Variants in MARCHF1 observed in about 807,000 individuals in gnomAD.
MARCHF1 encodes the protein membrane associated ring-CH-type finger 1, also known as E3 ubiquitin-protein ligase MARCHF1.
Under a neutral mutation model 54.2 loss-of-function variants are expected in MARCHF1, and 40 were observed. That is an observed-to-expected ratio of 0.74 (90% CI 0.57 to 0.96). The LOEUF is 0.96. Ranked by LOEUF, MARCHF1 falls within the 40% of genes least tolerant of loss-of-function variation. The pLI is 0.00. For missense variants in MARCHF1, 586 were observed against 656.5 expected (o/e 0.89, Z 1.17); for synonymous variants, 236 against 236.3 (o/e 1.00, Z 0.01).
rs187217635 is a variant in MARCHF1 at position 164,380,748 on chromosome 4, T to C, written c.-323+3122A>G. Among the ~76,000 whole-genome samples the C allele has an allele frequency of 6.9e-3, 1,044 of 152,330 alleles. 7 individuals are homozygous for C. The highest frequency in any genetic ancestry group is 0.011 in the Non-Finnish European group (762 of 68,016). ...ACACTATAACCGTTGACTTTCACTG[T>C]TGTATTTCCAGAAAAAGTTAGGATG... On this transcript the variant is annotated intron_variant, in intron 1 of 9. Transcript: ENST00000514618.
intron 1 of MARCHF1, among the ~76,000 whole-genome samples, chr4:164,257,251 A>T (rs1262110980): frequency 6.6e-6 from 1 of 152,082 alleles, no homozygotes; most frequent in African/African-American, 2.4e-5. Flanking sequence ...ACATATCTAC[A>T]CCTAGGTTCA....
Position 163,696,396 on chromosome 4 carries a change from TACTC to T in MARCHF1, c.162+4413_162+4416del, listed in dbSNP as rs1254000944. Among the ~76,000 whole-genome samples the T allele has an allele frequency of 7.9e-5, 12 of 152,256 alleles. No homozygotes were observed. The East Asian group carries it at 2.3e-3, about 29-fold the overall frequency. ...AAATAATAATGTTCCATTTCATACA[TACTC>T]ATTAAGAAAAGTCTCAAGGACCTTG... On this transcript the variant is annotated intron_variant, in intron 5 of 9. Transcript: ENST00000514618.
chr4:164,269,842 T>G (rs571468802), intron 1 of MARCHF1, among the ~76,000 whole-genome samples: 22 of 152,138 alleles, frequency 1.4e-4, no homozygotes, highest in Admixed American at 3.9e-4. Context: ...CTACATCTTC[T>G]TCACTCCATT....
At chr4:164,056,341 C>T (rs1309309771) in intron 2 of MARCHF1, among the ~76,000 whole-genome samples, 2 of 152,150 alleles carry the variant, frequency 1.3e-5, no homozygotes, top group South Asian at 2.1e-4. Context: ...AATATTCCAG[C>T]GATCCTGCTG....
At chr4:163,898,112 C>G (rs1750856215) in intron 3 of MARCHF1, among the ~76,000 whole-genome samples, 1 of 146,760 alleles carries the variant, frequency 6.8e-6, no homozygotes, top group Non-Finnish European at 1.5e-5. Flanking sequence ...AGAAAAAACT[C>G]TTTTGGACAT....
chr4:164,310,853 T>C (rs1485826847), intron 1 of MARCHF1, among the ~76,000 whole-genome samples: 1 of 152,174 alleles, frequency 6.6e-6, no homozygotes, highest in African/African-American at 2.4e-5. Flanking sequence ...TTTTTTCTAA[T>C]AATGATAGAA....
chr4:163,928,170 C>T (rs1241287434), intron 3 of MARCHF1, among the ~76,000 whole-genome samples: 2 of 151,854 alleles, frequency 1.3e-5, no homozygotes, highest in East Asian at 3.9e-4. Flanking sequence ...CCTTTGTCAA[C>T]TTCACTCACT....
chr4:164,313,254 C>T (rs1204952582), intron 1 of MARCHF1, among the ~76,000 whole-genome samples: 1 of 146,860 alleles, frequency 6.8e-6, no homozygotes, highest in Non-Finnish European at 1.5e-5. Flanking sequence ...GAAGCTGAGG[C>T]AGGAGAATGG....
intron 1 of MARCHF1, among the ~76,000 whole-genome samples, chr4:164,253,973 G>C (rs1560975413): frequency 1.3e-5 from 2 of 152,148 alleles, no homozygotes; most frequent in Non-Finnish European, 2.9e-5. Flanking sequence ...TATAGAGATA[G>C]AAATCAGATT....
At position 164,156,637 on chromosome 4, in the gene MARCHF1, G is replaced by T. The variant is rs991529192; in HGVS notation, c.-322-44975C>A. ...GAGTTTCACCATGTTGCCCAGGTCG[G>T]TCTCAAACTCCTGAGCTCAAGCAAT... On this transcript the variant is annotated intron_variant, in intron 1 of 9. Coordinates refer to ENST00000514618, the MANE Select transcript of MARCHF1 (RefSeq NM_001394959.1). Among the ~76,000 whole-genome samples, 7 of 152,158 alleles carry T rather than the reference G, an allele frequency of 4.6e-5. No individual in the cohort carries two copies. The East Asian group carries it at 7.7e-4, about 17-fold the overall frequency.
At chr4:164,220,315 T>C (rs1461422241) in intron 1 of MARCHF1, among the ~76,000 whole-genome samples, 3 of 147,110 alleles carry the variant, frequency 2.0e-5, no homozygotes, top group Admixed American at 6.9e-5. Flanking sequence ...TATATAGGAA[T>C]TCATATATAT....
intron 2 of MARCHF1, among the ~76,000 whole-genome samples, chr4:164,000,554 AG>A (rs966045490): frequency 6.6e-6 from 1 of 151,726 alleles, no homozygotes; most frequent in Non-Finnish European, 1.5e-5. Flanking sequence ...ATACTTAAAA[AG>A]AATAAGCTGG....
intron 4 of MARCHF1, among the ~76,000 whole-genome samples, chr4:163,709,286 T>C (rs1340294873): frequency 4.6e-5 from 7 of 152,086 alleles, no homozygotes; most frequent in Non-Finnish European, 1.0e-4. Flanking sequence ...AAAGTTTCAG[T>C]TGTTTTAGGC....
At chr4:163,720,189 T>G (rs1189040341) in intron 4 of MARCHF1, among the ~76,000 whole-genome samples, 2 of 152,236 alleles carry the variant, frequency 1.3e-5, no homozygotes, top group African/African-American at 4.8e-5. Context: ...TAATCCATCT[T>G]GAATTAATTT....
chr4:163,541,545 G>C (rs1300319088), intron 9 of MARCHF1, among the ~76,000 whole-genome samples: 1 of 152,052 alleles, frequency 6.6e-6, no homozygotes, highest in Non-Finnish European at 1.5e-5. Context: ...TGTCATCGCA[G>C]GGGAAAGAGA....
At position 163,970,607 on chromosome 4, in the gene MARCHF1, G is replaced by A. The variant is rs1486064946; in HGVS notation, c.-39+17894C>T. ...AGAACAATGCACTAGAAATAAAGAT[G>A]TCTAGATTTCAGTTTTACCTCTACA... On this transcript the variant is annotated intron_variant, in intron 3 of 9. Coordinates refer to ENST00000514618, the MANE Select transcript of MARCHF1 (RefSeq NM_001394959.1). Among the ~76,000 whole-genome samples the A allele has an allele frequency of 2.6e-5, 4 of 152,158 alleles. No individual in the cohort carries two copies. The South Asian group carries it at 8.3e-4, about 32-fold the overall frequency.
chr4:164,129,883 G>C (rs911100481), intron 1 of MARCHF1: 1 of 152,006 alleles, frequency 6.6e-6, no homozygotes, highest in Non-Finnish European at 1.5e-5. Context: ...AACCACCATG[G>C]AACACATTTA....
rs138775349 is a variant in MARCHF1, at chr4:163,682,655, T to C, written c.162+18158A>G. On this transcript the variant is annotated intron_variant, in intron 5 of 9. Coordinates refer to ENST00000514618, the MANE Select transcript of MARCHF1 (RefSeq NM_001394959.1). The stretch of plus-strand genomic sequence containing the variant: ...GTGGAAGGGACCCAGTGGGAGGTAA[T>C]TGAATCATGGGGGTGGTTACCCCCA... Among the ~76,000 whole-genome samples the C allele has an allele frequency of 3.1e-4, 47 of 152,310 alleles. No individual in the cohort carries two copies. The East Asian group carries it at 6.0e-3, about 19-fold the overall frequency.
intron 2 of MARCHF1, among the ~76,000 whole-genome samples, chr4:164,050,859 G>A (rs1363005446): frequency 3.3e-5 from 5 of 152,248 alleles, no homozygotes; most frequent in Admixed American, 6.5e-5. Context: ...CTTGAACCCA[G>A]GAGGCGGAGG....
Sources: allele counts gnomAD v4.1 joint callset (sites outside exome capture counted in the v4.1 genomes callset), GRCh38; gene constraint gnomAD v4.1.1; transcripts MANE v1.5; gene names NCBI Gene and HGNC (gene_info 2026-07-23, HGNC 2026-07-21).